STRBP: variants seen among roughly 807,000 people sequenced by gnomAD.
The protein encoded by STRBP is spermatid perinuclear RNA-binding protein.
STRBP carries 13 observed loss-of-function variants against 80.1 expected under a neutral mutation model. The observed-to-expected ratio is 0.16, with a 90% CI of 0.11 to 0.26. The LOEUF (loss-of-function observed/expected upper bound fraction) is 0.26, where lower values mean the gene tolerates loss of function less well. Ranked by LOEUF, STRBP falls within the 10% of genes least tolerant of loss-of-function variation. The probability of loss-of-function intolerance (pLI) is 1.00; values close to 1 mark genes in which losing one functional copy is unlikely to be tolerated. For synonymous variants in STRBP, 284 were observed against 291.2 expected (o/e 0.98, Z 0.25); for missense variants, 485 against 815.2 (o/e 0.59, Z 4.93).
At chr9:123,202,089 T>C (rs1241590241) in intron 2 of STRBP, among the ~76,000 whole-genome samples, 2 of 152,260 alleles carry the variant, frequency 1.3e-5, no homozygotes, top group African/African-American at 4.8e-5. Flanking sequence ...AATACCTTTT[T>C]CCACTTTTCT....
At chr9:123,172,761 G>A (rs2038062798) in intron 5 of STRBP, among the ~76,000 whole-genome samples, 1 of 151,990 alleles carries the variant, frequency 6.6e-6, no homozygotes, top group East Asian at 1.9e-4. Flanking sequence ...TAGTAACAAA[G>A]CTAAGAAAAA....
chr9:123,154,865 A>T (rs888228083), intron 11 of STRBP, among the ~76,000 whole-genome samples: 4 of 152,222 alleles, frequency 2.6e-5, no homozygotes, highest in Non-Finnish European at 5.9e-5. Context: ...AGAGGAGAGA[A>T]ATGCAACTCT....
chr9:123,156,490 C>A (rs1405313118), intron 11 of STRBP, among the ~76,000 whole-genome samples: 3 of 151,928 alleles, frequency 2.0e-5, no homozygotes, highest in Admixed American at 2.0e-4. Context: ...TTATTAAGCA[C>A]CCGAAGTGCT....
At chr9:123,241,000 A>G (rs1258949548) in intron 1 of STRBP, among the ~76,000 whole-genome samples, 1 of 151,986 alleles carries the variant, frequency 6.6e-6, no homozygotes, top group Non-Finnish European at 1.5e-5. Flanking sequence ...ACCAACATGG[A>G]GAAACTCGAT....
intron 4 of STRBP, among the ~76,000 whole-genome samples, chr9:123,176,511 T>A (rs557027162): frequency 2.6e-4 from 40 of 152,274 alleles, no homozygotes; most frequent in Middle Eastern, 3.4e-3. Flanking sequence ...ATAAGCAAGT[T>A]TGGAGCACAG....
chr9:123,193,382 C>T (rs528092829), intron 2 of STRBP, among the ~76,000 whole-genome samples: 2 of 152,246 alleles, frequency 1.3e-5, no homozygotes, highest in African/African-American at 4.8e-5. Flanking sequence ...GCAGTCATCA[C>T]CACAGTGACT....
intron 2 of STRBP, among the ~76,000 whole-genome samples, chr9:123,224,336 TTTCA>T (rs2040167965): frequency 6.6e-6 from 1 of 152,156 alleles, no homozygotes. Flanking sequence ...ACAAAACAGC[TTTCA>T]TTAACTCTCT....
intron 2 of STRBP, among the ~76,000 whole-genome samples, chr9:123,197,496 C>A (rs946059274): frequency 3.3e-5 from 5 of 151,888 alleles, no homozygotes; most frequent in Non-Finnish European, 7.4e-5. Context: ...ATCCCAGGCT[C>A]CCCTCCCGCC....
At chr9:123,214,028 T>C (rs900346363) in intron 2 of STRBP, 1 of 151,780 alleles carries the variant, frequency 6.6e-6, no homozygotes, top group African/African-American at 2.4e-5. Flanking sequence ...ATGAAAAAGA[T>C]ACTTGTACAT....
At chr9:123,181,189 C>A (rs1299030925) in intron 3 of STRBP, among the ~76,000 whole-genome samples, 1 of 152,176 alleles carries the variant, frequency 6.6e-6, no homozygotes, top group Non-Finnish European at 1.5e-5. Context: ...CATCCACAAC[C>A]AGTTTTCCAA....
chr9:123,141,774 A>G (rs912463966), intron 13 of STRBP, among the ~76,000 whole-genome samples: 1 of 152,354 alleles, frequency 6.6e-6, no homozygotes, highest in Admixed American at 6.5e-5. Flanking sequence ...CTGGTGGATT[A>G]TATCTCAGGG....
intron 2 of STRBP, among the ~76,000 whole-genome samples, chr9:123,235,461 C>A (rs1588141769): frequency 2.4e-5 from 3 of 125,340 alleles, no homozygotes; most frequent in South Asian, 2.5e-4. Flanking sequence ...GATTGTCAGA[C>A]AACTGAAAAT....
At chr9:123,218,248 G>C (rs940377445) in intron 2 of STRBP, among the ~76,000 whole-genome samples, 1 of 151,250 alleles carries the variant, frequency 6.6e-6, no homozygotes, top group African/African-American at 2.4e-5. Context: ...ACTATAATGA[G>C]TTAGCTGAGG....
chr9:123,203,619 C>T (rs2039408255), intron 2 of STRBP, among the ~76,000 whole-genome samples: 1 of 152,132 alleles, frequency 6.6e-6, no homozygotes. Context: ...CCTTCTCTCA[C>T]TTCTTAGGTG....
Position 123,147,032 on chromosome 9 carries a change from G to A in STRBP, c.1161C>T (p.Asp387=). The part of the protein sequence containing the change: ...LRKILDSKAI[D]LMNALMRLNQ... ...TTAGCCTCATTAGTGCATTCATAAG[G>A]TCTATTGCTTTACTATCCAGAACTG... Residue 387 remains aspartate, a synonymous_variant, in exon 13 of 19, where the codon GAC becomes GAT. Coordinates refer to ENST00000348403, the MANE Select transcript of STRBP (RefSeq NM_018387.5). 1 of 1,613,862 alleles carries A rather than the reference G, an allele frequency of 6.2e-7. No individual in the cohort carries two copies.
chr9:123,249,452 CA>C (rs1381398655), intron 1 of STRBP, among the ~76,000 whole-genome samples: 1 of 151,874 alleles, frequency 6.6e-6, no homozygotes, highest in Non-Finnish European at 1.5e-5. Flanking sequence ...CCAGCCAGGG[CA>C]ACATAGCAAG....
At chr9:123,239,938 C>T (rs552217505) in intron 1 of STRBP, among the ~76,000 whole-genome samples, 1 of 152,294 alleles carries the variant, frequency 6.6e-6, no homozygotes, top group South Asian at 2.1e-4. Flanking sequence ...AATACAGGCT[C>T]AAAGAAGTCA....
chr9:123,160,970 A>C lies in STRBP; in HGVS notation c.627+7T>G. 1 of 1,577,610 alleles carries C rather than the reference A, an allele frequency of 6.3e-7. No homozygotes were observed. The highest frequency in any genetic ancestry group is 8.5e-7 in the Non-Finnish European group (1 of 1,170,498). On this transcript the variant is annotated splice_region_variant and intron_variant, in intron 7 of 18. Coordinates refer to ENST00000348403, the MANE Select transcript of STRBP (RefSeq NM_018387.5). The stretch of plus-strand genomic sequence containing the variant: ...TAATAACAATAAGATAGTAAGAAAA[A>C]GCCAACCTGAAACCATTTGGCATGT...
intron 1 of STRBP, among the ~76,000 whole-genome samples, chr9:123,258,332 G>A (rs563586197): frequency 6.6e-6 from 1 of 152,306 alleles, no homozygotes; most frequent in South Asian, 2.1e-4. Context: ...GATGGGAAAG[G>A]TTGGGTAAGG....
Sources: gnomAD v4.1 joint callset for allele counts (sites outside exome capture counted in the v4.1 genomes callset) on GRCh38, gnomAD v4.1.1 for gene constraint, MANE v1.5 for transcripts, NCBI Gene and HGNC (gene_info 2026-07-23, HGNC 2026-07-21) for gene names.